The following NWD2 variants were observed in gnomAD, a reference collection of about 807,000 sequenced individuals.
NWD2 encodes NACHT and WD repeat domain containing 2.
A neutral mutation model predicts 132.7 loss-of-function variants in NWD2; 37 were observed. The observed-to-expected ratio is 0.28, with a 90% CI of 0.21 to 0.37. The LOEUF (loss-of-function observed/expected upper bound fraction) is 0.37, where lower values mean the gene tolerates loss of function less well. Ranked by LOEUF, NWD2 falls within the 10% of genes least tolerant of loss-of-function variation. NWD2 has a pLI of 1.00. For synonymous variants in NWD2, 705 were observed against 803.0 expected (o/e 0.88, Z 2.06); for missense variants, 1,592 against 2,122.4 (o/e 0.75, Z 4.91).
chr4:37,293,002 T>C (rs1281423534), intron 1 of NWD2, among the ~76,000 whole-genome samples: 5 of 152,240 alleles, frequency 3.3e-5, no homozygotes, highest in African/African-American at 1.2e-4. Flanking sequence ...TGCTCTAAAA[T>C]GTCTATACCT....
chr4:37,360,544 G>A (rs1402074097), intron 3 of NWD2, among the ~76,000 whole-genome samples: 4 of 152,152 alleles, frequency 2.6e-5, no homozygotes, highest in African/African-American at 7.2e-5. Flanking sequence ...CCCAAGGAGG[G>A]ATTCTGACCA....
chr4:37,275,036 C>G (rs1717976801), intron 1 of NWD2, among the ~76,000 whole-genome samples: 1 of 152,154 alleles, frequency 6.6e-6, no homozygotes, highest in Non-Finnish European at 1.5e-5. Flanking sequence ...GGGATGCCCT[C>G]TCTCACCACT....
chr4:37,363,936 AC>A (rs1720033805), intron 3 of NWD2, among the ~76,000 whole-genome samples: 1 of 150,972 alleles, frequency 6.6e-6, no homozygotes, highest in Non-Finnish European at 1.5e-5. Flanking sequence ...AGCCTGGCCA[AC>A]GTGGTGAAAC....
chr4:37,310,926 T>C (rs1718827806), intron 1 of NWD2, among the ~76,000 whole-genome samples: 1 of 151,744 alleles, frequency 6.6e-6, no homozygotes, highest in Non-Finnish European at 1.5e-5. Context: ...GAATGATGAT[T>C]TCCAATTTCA....
intron 3 of NWD2, among the ~76,000 whole-genome samples, chr4:37,414,460 C>T (rs1007593744): frequency 1.3e-5 from 2 of 149,138 alleles, no homozygotes; most frequent in African/African-American, 5.0e-5. Context: ...TCAGCCAGCC[C>T]TGAAAAAAAA....
chr4:37,438,075 C>G (rs972660055), intron 5 of NWD2, among the ~76,000 whole-genome samples: 5 of 152,044 alleles, frequency 3.3e-5, no homozygotes, highest in African/African-American at 1.2e-4. Flanking sequence ...TCCTGGCTAA[C>G]ACGGTGAAAC....
chr4:37,261,289 C>G (rs1427455076), intron 1 of NWD2, among the ~76,000 whole-genome samples: 1 of 151,934 alleles, frequency 6.6e-6, no homozygotes, highest in Non-Finnish European at 1.5e-5. Flanking sequence ...GTTGCCCACT[C>G]AATAGAAGAG....
chr4:37,430,451 C>G (rs1712136643), intron 3 of NWD2, 121 bp from the exon 4 acceptor site: 1 of 720,056 alleles, frequency 1.4e-6, no homozygotes, highest in Non-Finnish European at 2.3e-6. Context: ...AAAGAGAAAA[C>G]TGATGGAGCA....
At chr4:37,366,771 GTTCAA>G (rs1476093055) in intron 3 of NWD2, among the ~76,000 whole-genome samples, 5 of 152,022 alleles carry the variant, frequency 3.3e-5, no homozygotes, top group Admixed American at 1.3e-4. Flanking sequence ...ATGATAAAAG[GTTCAA>G]TTCAACAGAA....
Position 37,439,202 on chromosome 4 carries a change from T to C in NWD2, c.1108T>C (p.Tyr370His), listed in dbSNP as rs556772563. 3.5e-5 allele frequency: 54 copies of C among 1,550,744 alleles called. 1 individual carries two copies. The South Asian group carries it at 6.4e-4, about 19-fold the overall frequency. The change falls in exon 6 of 7, where the codon TAT becomes CAT. Residue 370 changes from tyrosine to histidine, a missense_variant. By Grantham distance (83) the Tyr-to-His change is moderately conservative (BLOSUM62 2). This residue lies in a region of NWD2 where 1,071 missense variants were observed against 1,398.0 expected (regional missense o/e 0.77). Coordinates refer to ENST00000309447, the MANE Select transcript of NWD2 (RefSeq NM_001144990.2). The surrounding 1 kb of genome is among the most constrained non-coding windows in gnomAD (Gnocchi z 4.5). ...TTTTGACACTGAAACTGATACACTC[T>C]ATGATGAAATCCTTCAACATTCATC... ...QNFDTETDTLYDEILQHSSLC... is the reference protein window; with the variant it reads ...QNFDTETDTLHDEILQHSSLC...
intron 3 of NWD2, among the ~76,000 whole-genome samples, chr4:37,364,354 A>G (rs13152588): frequency 0.37 from 56,694 of 151,866 alleles, 11,231 homozygotes; most frequent in Admixed American, 0.52. Context: ...TGACCCTAGA[A>G]GAGCCAAGCC....
chr4:37,341,737 A>G (rs546297183), intron 2 of NWD2, among the ~76,000 whole-genome samples: 1 of 152,352 alleles, frequency 6.6e-6, no homozygotes, highest in Non-Finnish European at 1.5e-5. Context: ...TCCGTTCCTC[A>G]GATTTTCATC....
intron 3 of NWD2, among the ~76,000 whole-genome samples, chr4:37,376,995 A>G (rs1243259575): frequency 6.6e-6 from 1 of 152,190 alleles, no homozygotes. Flanking sequence ...GTGATATGAG[A>G]TGTCATGATT....
At chr4:37,284,735 T>G (rs1232225601) in intron 1 of NWD2, among the ~76,000 whole-genome samples, 1 of 152,188 alleles carries the variant, frequency 6.6e-6, no homozygotes, top group Non-Finnish European at 1.5e-5. Context: ...ACAGTGAGTA[T>G]CTAGTTCTCG....
intron 1 of NWD2, among the ~76,000 whole-genome samples, chr4:37,259,794 C>T (rs537050597): frequency 6.6e-5 from 10 of 152,252 alleles, no homozygotes; most frequent in Non-Finnish European, 1.0e-4. Context: ...CAAGTTCTAC[C>T]GTAGTGCCAG....
At chr4:37,361,347 C>G (rs1324510693) in intron 3 of NWD2, among the ~76,000 whole-genome samples, 2 of 152,042 alleles carry the variant, frequency 1.3e-5, no homozygotes, top group East Asian at 1.9e-4. Context: ...ACCCTGATAC[C>G]TGGCAAAAGA....
chr4:37,282,481 T>C (rs970596681), intron 1 of NWD2, among the ~76,000 whole-genome samples: 3 of 152,232 alleles, frequency 2.0e-5, no homozygotes, highest in Admixed American at 6.5e-5. Context: ...AATAGTAAAC[T>C]GTCTCCCTGT....
chr4:37,287,707 T>A (rs1352670640), intron 1 of NWD2, among the ~76,000 whole-genome samples: 5 of 152,158 alleles, frequency 3.3e-5, no homozygotes, highest in Non-Finnish European at 5.9e-5. Flanking sequence ...AGTTAGCCTT[T>A]CCTCCTGATG....
chr4:37,388,627 TTATATATCATATATAAATATATATATCA>T (rs1207557891), intron 3 of NWD2, among the ~76,000 whole-genome samples: 3 of 120,830 alleles, frequency 2.5e-5, no homozygotes, highest in Non-Finnish European at 5.1e-5. Context: ...TATATTTATG[TTATATATCATATATAAATATATATATCA>T]TATATATCAT....
Sources: allele counts gnomAD v4.1 joint callset (sites outside exome capture counted in the v4.1 genomes callset), GRCh38; gene constraint gnomAD v4.1.1; regional missense constraint gnomAD v4.1.1; non-coding constraint Gnocchi (gnomAD v3.1); transcripts MANE v1.5; gene names NCBI Gene and HGNC (gene_info 2026-07-23, HGNC 2026-07-21).